Variants in AHCYL2 observed in about 807,000 individuals in gnomAD.
AHCYL2 encodes the protein adenosylhomocysteinase like 2.
AHCYL2 carries 28 observed loss-of-function variants against 81.4 expected under a neutral mutation model. The observed-to-expected ratio is 0.34, with a 90% CI of 0.25 to 0.47. The LOEUF (loss-of-function observed/expected upper bound fraction) is 0.47, where lower values mean the gene tolerates loss of function less well. Ranked by LOEUF, AHCYL2 falls within the 20% of genes least tolerant of loss-of-function variation. The probability of loss-of-function intolerance (pLI) is 1.00; values close to 1 mark genes in which losing one functional copy is unlikely to be tolerated. For missense variants in AHCYL2, 551 were observed against 785.1 expected, an observed-to-expected ratio of 0.70 and a Z score of 3.56; for synonymous variants, 272 against 290.2, an observed-to-expected ratio of 0.94 and a Z score of 0.64.
chr7:129,270,748 T>G (rs2150727958), intron 1 of AHCYL2, among the ~76,000 whole-genome samples: 1 of 152,326 alleles, frequency 6.6e-6, no homozygotes, highest in South Asian at 2.1e-4. Flanking sequence ...GGTTTCCACA[T>G]TATTGAAAAG....
intron 1 of AHCYL2, among the ~76,000 whole-genome samples, chr7:129,340,001 C>T (rs1223941157): frequency 3.5e-5 from 5 of 142,652 alleles, no homozygotes; most frequent in Non-Finnish European, 6.0e-5. Context: ...TCACTGCAAG[C>T]TCCGCCTCCC....
chr7:129,416,814 A>T (rs1006995453), intron 12 of AHCYL2, among the ~76,000 whole-genome samples: 12 of 151,620 alleles, frequency 7.9e-5, no homozygotes, highest in Admixed American at 7.9e-4. Context: ...AATAAAAAAA[A>T]GAAAAAGAAT....
At chr7:129,294,708 G>A (rs1181608535) in intron 1 of AHCYL2, among the ~76,000 whole-genome samples, 8 of 152,144 alleles carry the variant, frequency 5.3e-5, no homozygotes, top group Admixed American at 2.6e-4. Flanking sequence ...TTAATAAGAT[G>A]GGGCAGGTAT....
At chr7:129,255,362 A>C (rs1795378072) in intron 1 of AHCYL2, among the ~76,000 whole-genome samples, 1 of 152,254 alleles carries the variant, frequency 6.6e-6, no homozygotes, top group African/African-American at 2.4e-5. Context: ...TATCAATATA[A>C]AAATTAAGAT....
rs1362605628 is a variant in AHCYL2 at position 129,406,422 on chromosome 7, T to C, written c.1251T>C (p.Ile417=). 2.5e-6 allele frequency: 4 copies of C among 1,614,032 alleles called. No individual in the cohort carries two copies. In the South Asian group the frequency reaches 3.3e-5, roughly 13 times the overall value. Reference sequence around the variant, plus strand: ...CTGCCCTGAAAGCCATGGGCTCCATTGTGTATGTAACTGAAATTGACCCCA... The same window carrying C: ...CTGCCCTGAAAGCCATGGGCTCCATCGTGTATGTAACTGAAATTGACCCCA... ...CCAALKAMGS[I]VYVTEIDPIC... Residue 417 remains isoleucine, a synonymous_variant, in exon 10 of 17, where the codon ATT becomes ATC. Coordinates refer to ENST00000325006, the MANE Select transcript of AHCYL2 (RefSeq NM_015328.4). The surrounding 1 kb of genome is among the most constrained non-coding windows in gnomAD (Gnocchi z 4.3).
At chr7:129,411,283 A>G (rs1226256543) in intron 11 of AHCYL2, among the ~76,000 whole-genome samples, 1 of 152,052 alleles carries the variant, frequency 6.6e-6, no homozygotes, top group African/African-American at 2.4e-5. Flanking sequence ...GAACATCCCA[A>G]TTATCGAATT....
chr7:129,229,937 C>T (rs1430395619), intron 1 of AHCYL2, among the ~76,000 whole-genome samples: 1 of 152,164 alleles, frequency 6.6e-6, no homozygotes, highest in Non-Finnish European at 1.5e-5. Context: ...GTTCAGCTAA[C>T]ACTTTTTCCC....
intron 12 of AHCYL2, among the ~76,000 whole-genome samples, chr7:129,415,640 A>T (rs1194547643): frequency 3.3e-5 from 5 of 150,930 alleles, no homozygotes; most frequent in Non-Finnish European, 7.4e-5. Context: ...TCTCAAAAAA[A>T]AAAAAAAGAA....
At chr7:129,384,405 T>C (rs546077199) in intron 2 of AHCYL2, among the ~76,000 whole-genome samples, 2 of 151,836 alleles carry the variant, frequency 1.3e-5, no homozygotes, top group South Asian at 2.1e-4. Context: ...TTTTCTGTTT[T>C]ACATTGCTCT....
Position 129,367,887 on chromosome 7 carries a change from G to A in AHCYL2, c.364-11751G>A, listed in dbSNP as rs1794185169. On this transcript the variant is annotated intron_variant, in intron 1 of 16. Transcript: ENST00000325006. The stretch of plus-strand genomic sequence containing the variant: ...AGACTCTAACTTGAGATATGCGAGA[G>A]TTTGGTGCCAGACCCCTGGTGTGAG... Among the ~76,000 whole-genome samples, 2 of 152,232 alleles carry A rather than the reference G, an allele frequency of 1.3e-5. 1 individual carries two copies. Among genetic ancestry groups the A allele is most frequent in the South Asian group, 4.1e-4 (2 of 4,830 alleles).
In AHCYL2 at chr7:129,427,472, A is replaced by G; in HGVS notation, c.*427A>G. On this transcript the variant is annotated 3_prime_UTR_variant, in exon 17 of 17. Transcript: ENST00000325006. This position sits in a 1 kb window ranked among gnomAD's most constrained non-coding sequence, Gnocchi z 5.5. ...TCTCAGCTTGGCCCTTCCCCGGGTG[A>G]GGCCGTTTGGAATTAACATGGCCAG... 1 of 157,514 alleles carries G rather than the reference A, an allele frequency of 6.3e-6. No individual in the cohort carries two copies. The highest frequency in any genetic ancestry group is 2.0e-4 in the South Asian group (1 of 5,090). The allele number at this position is 157,514 out of a possible 1,614,324, so 9.8% of individuals were successfully genotyped here. A position where few individuals can be genotyped will look rare whatever the true frequency, so the allele number is the denominator to read the frequency against.
intron 1 of AHCYL2, among the ~76,000 whole-genome samples, chr7:129,293,382 A>C (rs1796936844): frequency 6.6e-6 from 1 of 152,178 alleles, no homozygotes; most frequent in Admixed American, 6.5e-5. Flanking sequence ...CTGGCCTTGA[A>C]AATGTTCTAG....
At chr7:129,276,736 C>CAAAAAAAAAAAAAAAAA in intron 1 of AHCYL2, among the ~76,000 whole-genome samples, 1 of 125,022 alleles carries the variant, frequency 8.0e-6, no homozygotes, top group Non-Finnish European at 1.6e-5. Flanking sequence ...GCAACTGTCT[C>CAAAAAAAAAAAAAAAAA]AAAAAAAAAA....
chr7:129,226,896 A>G (rs538241590), intron 1 of AHCYL2, among the ~76,000 whole-genome samples: 1 of 137,966 alleles, frequency 7.2e-6, no homozygotes, highest in Non-Finnish European at 1.6e-5. Context: ...TCCAAAGCAT[A>G]CTTCTGACTT....
chr7:129,385,100 T>G (rs930444809), intron 2 of AHCYL2, among the ~76,000 whole-genome samples: 6 of 152,236 alleles, frequency 3.9e-5, no homozygotes, highest in African/African-American at 1.4e-4. Context: ...AGAAGTCCCT[T>G]CTTCACGATT....
chr7:129,337,548 C>T (rs986850957), intron 1 of AHCYL2, among the ~76,000 whole-genome samples: 1 of 151,892 alleles, frequency 6.6e-6, no homozygotes, highest in Non-Finnish European at 1.5e-5. Context: ...TACAGGTGCA[C>T]ACCACCACGC....
intron 7 of AHCYL2, among the ~76,000 whole-genome samples, 155 bp from the exon 8 acceptor site, chr7:129,404,942 T>G (rs1796230063): frequency 6.6e-6 from 1 of 152,192 alleles, no homozygotes. Context: ...TAGAAAGATA[T>G]TCTTTATTTC....
At chr7:129,384,437 G>A (rs1795112003) in intron 2 of AHCYL2, among the ~76,000 whole-genome samples, 1 of 150,740 alleles carries the variant, frequency 6.6e-6, no homozygotes, top group Non-Finnish European at 1.5e-5. Context: ...TTAGAACTGT[G>A]TTTGACACAG....
At chr7:129,235,875 T>C (rs984318787) in intron 1 of AHCYL2, among the ~76,000 whole-genome samples, 1 of 152,194 alleles carries the variant, frequency 6.6e-6, no homozygotes, top group Non-Finnish European at 1.5e-5. Context: ...CATTCTTCCA[T>C]TGATGCACAT....
Sources: gnomAD v4.1 joint callset for allele counts (sites outside exome capture counted in the v4.1 genomes callset) on GRCh38, gnomAD v4.1.1 for gene constraint, Gnocchi (gnomAD v3.1) non-coding constraint, MANE v1.5 for transcripts, NCBI Gene and HGNC (gene_info 2026-07-23, HGNC 2026-07-21) for gene names.